MTFR2: variants seen among roughly 807,000 people sequenced by gnomAD.
The protein encoded by MTFR2 is mitochondrial fission regulator 2.
MTFR2 carries 44 observed loss-of-function variants against 41.2 expected under a neutral mutation model. The ratio of observed to expected loss-of-function variants is 1.07; its 90% CI spans 0.84 to 1.37. The LOEUF (loss-of-function observed/expected upper bound fraction) is 1.37. MTFR2 is among the 40% of genes most tolerant of loss of function. The probability of loss-of-function intolerance (pLI) is 0.00; values close to 1 mark genes in which losing one functional copy is unlikely to be tolerated. For synonymous variants in MTFR2, 141 were observed against 154.6 expected, an observed-to-expected ratio of 0.91 and a Z score of 0.65; for missense variants, 452 against 459.5, an observed-to-expected ratio of 0.98 and a Z score of 0.15.
At chr6:136,240,755 A>G (rs751212111) in intron 5 of MTFR2, among the ~76,000 whole-genome samples, 9 of 152,208 alleles carry the variant, frequency 5.9e-5, no homozygotes, top group Non-Finnish European at 1.3e-4. Context: ...AAACCAATGC[A>G]TTCTTCCTCT....
At chr6:136,244,543 G>A (rs563380556) in intron 3 of MTFR2, among the ~76,000 whole-genome samples, 4 of 152,166 alleles carry the variant, frequency 2.6e-5, no homozygotes, top group East Asian at 3.9e-4. Flanking sequence ...ACCAAACAAC[G>A]CTTTTCTCAA....
chr6:136,241,368 T>C, intron 5 of MTFR2, 76 bp downstream of exon 5: 1 of 1,125,712 alleles, frequency 8.9e-7, no homozygotes, highest in Non-Finnish European at 1.3e-6. Flanking sequence ...TTCAGTACAG[T>C]ATCATGCTGT....
chr6:136,238,283 G>C (rs1027623098), intron 6 of MTFR2, among the ~76,000 whole-genome samples: 1 of 152,154 alleles, frequency 6.6e-6, no homozygotes, highest in African/African-American at 2.4e-5. Flanking sequence ...AAAGATAAAT[G>C]CTGCATGATT....
chr6:136,232,650 T>C (rs1456451304), intron 7 of MTFR2, among the ~76,000 whole-genome samples: 2 of 152,202 alleles, frequency 1.3e-5, no homozygotes, highest in Non-Finnish European at 2.9e-5. Flanking sequence ...TAGATGCTGT[T>C]CCTCTTCCAC....
chr6:136,231,649 A>T (rs1779759216), intron 7 of MTFR2, among the ~76,000 whole-genome samples: 1 of 149,046 alleles, frequency 6.7e-6, no homozygotes, highest in African/African-American at 2.5e-5. Context: ...CCAGCCTGAA[A>T]TTAAGTGCTA....
chr6:136,244,444 T>A (rs1780161507), intron 3 of MTFR2, among the ~76,000 whole-genome samples: 1 of 152,184 alleles, frequency 6.6e-6, no homozygotes, highest in Admixed American at 6.6e-5. Context: ...AAGCAACAGG[T>A]CATACCATAT....
chr6:136,240,699 A>G (rs796528304), intron 5 of MTFR2, among the ~76,000 whole-genome samples: 3 of 152,342 alleles, frequency 2.0e-5, no homozygotes, highest in African/African-American at 4.8e-5. Context: ...AGCAGCAATA[A>G]CTAAAAACTA....
intron 6 of MTFR2, among the ~76,000 whole-genome samples, chr6:136,238,727 T>C (rs1223867031): frequency 6.7e-6 from 1 of 150,352 alleles, no homozygotes; most frequent in Non-Finnish European, 1.5e-5. Context: ...AGAGAGGCAA[T>C]TATTAACTCT....
chr6:136,241,240 T>C (rs1299226339), intron 5 of MTFR2, among the ~76,000 whole-genome samples: 2 of 152,196 alleles, frequency 1.3e-5, no homozygotes, highest in East Asian at 3.8e-4. Context: ...AAACATCAGA[T>C]ATAATAATTT....
At chr6:136,241,325 T>C (rs1780063932) in intron 5 of MTFR2, 119 bp downstream of exon 5, 1 of 719,136 alleles carries the variant, frequency 1.4e-6, no homozygotes, top group Non-Finnish European at 2.3e-6. Flanking sequence ...ACTTAAATAC[T>C]AGATGTTCCT....
At position 136,233,317 on chromosome 6, in the gene MTFR2, T is replaced by C. The variant is rs1366834711; in HGVS notation, c.1044+8A>G. ...CTGAAAAATTAATTTTACATTAGTG[T>C]AGCTTACCCTTGAAGTTTCTGGACT... On this transcript the variant is annotated splice_region_variant and intron_variant, in intron 7 of 7. Transcript: ENST00000420702. 5 of 1,608,950 alleles carry C rather than the reference T, an allele frequency of 3.1e-6. No homozygotes were observed. Among genetic ancestry groups the C allele is most frequent in the Non-Finnish European group, 4.3e-6 (5 of 1,176,284 alleles).
chr6:136,238,469 T>C (rs1779963236), intron 6 of MTFR2, among the ~76,000 whole-genome samples: 1 of 151,838 alleles, frequency 6.6e-6, no homozygotes, highest in South Asian at 2.1e-4. Context: ...AAATAAAAAA[T>C]AAAGTAATCA....
At chr6:136,235,671 T>C (rs1012526837) in intron 6 of MTFR2, among the ~76,000 whole-genome samples, 3 of 152,140 alleles carry the variant, frequency 2.0e-5, no homozygotes, top group East Asian at 1.9e-4. Context: ...CAGTGGCTCA[T>C]GCCTGTAATC....
chr6:136,245,365 T>G (rs1364521062), intron 2 of MTFR2, among the ~76,000 whole-genome samples: 2 of 152,208 alleles, frequency 1.3e-5, no homozygotes, highest in East Asian at 3.8e-4. Flanking sequence ...TTCAGAGTTA[T>G]TTACATAAAG....
At position 136,231,333 on chromosome 6, in the gene MTFR2, T is replaced by C. The variant is rs764183981; in HGVS notation, c.1100A>G (p.Asn367Ser). ...EGQRTKEEMVNTKAVDQGISN... is the reference protein window; with the variant it reads ...EGQRTKEEMVSTKAVDQGISN... ...GATACCTTGGTCAACAGCTTTTGTG[T>C]TGACCATTTCTTCTTTAGTTCGCTG... The change falls in exon 8 of 8, where the codon AAC (asparagine) becomes AGC (serine). Residue 367 changes from asparagine to serine, a missense_variant. Physicochemically the swap from Asn to Ser is conservative, Grantham distance 46. Coordinates refer to ENST00000420702, the MANE Select transcript of MTFR2 (RefSeq NM_001099286.3). 10 of 1,613,142 alleles carry C rather than the reference T, an allele frequency of 6.2e-6. No individual in the cohort carries two copies. The highest frequency in any genetic ancestry group is 3.3e-5 in the Admixed American group (2 of 59,976).
chr6:136,244,773 TAGGTCTTCGACA>T lies in MTFR2; in HGVS notation c.148_159del (p.Cys50_Pro53del). ...TATGTTGACTGACTTACCTCAAAAT[TAGGTCTTCGACA>T]AGGTTCCAGTGGAAGCATTTTCCCA... On this transcript the variant is annotated inframe_deletion, in exon 3 of 8. Coordinates refer to ENST00000420702, the MANE Select transcript of MTFR2 (RefSeq NM_001099286.3). 6.2e-7 allele frequency: 1 copy of T among 1,608,864 alleles called. No homozygotes were observed. The highest frequency in any genetic ancestry group is 8.5e-7 in the Non-Finnish European group (1 of 1,175,958).
At chr6:136,244,479 T>C (rs1007432896) in intron 3 of MTFR2, among the ~76,000 whole-genome samples, 6 of 152,236 alleles carry the variant, frequency 3.9e-5, no homozygotes, top group Non-Finnish European at 8.8e-5. Flanking sequence ...ATAGGCCATA[T>C]ACCATCTAGG....
chr6:136,237,938 A>T (rs1779952390), intron 6 of MTFR2, among the ~76,000 whole-genome samples: 1 of 152,226 alleles, frequency 6.6e-6, no homozygotes, highest in Admixed American at 6.5e-5. Flanking sequence ...GCAGCATAGA[A>T]AAAAGGGGGC....
chr6:136,246,243 C>T (rs1303268543), intron 2 of MTFR2, among the ~76,000 whole-genome samples: 1 of 152,020 alleles, frequency 6.6e-6, no homozygotes, highest in Non-Finnish European at 1.5e-5. Context: ...CTTCATTGCC[C>T]CTGGCCATCT....
Sources: allele counts gnomAD v4.1 joint callset (sites outside exome capture counted in the v4.1 genomes callset), GRCh38; gene constraint gnomAD v4.1.1; transcripts MANE v1.5; gene names NCBI Gene and HGNC (gene_info 2026-07-23, HGNC 2026-07-21).